The following LHFPL3 variants were observed in gnomAD, a reference collection of about 807,000 sequenced individuals.
LHFPL3 encodes the protein LHFPL tetraspan subfamily member 3 protein.
A neutral mutation model predicts 19.3 loss-of-function variants in LHFPL3; 5 were observed. The ratio of observed to expected loss-of-function variants is 0.26; its 90% CI spans 0.14 to 0.54. The LOEUF is 0.54. LHFPL3 is among the 20% of genes least tolerant of loss of function. The probability of loss-of-function intolerance (pLI) is 0.94; values close to 1 mark genes in which losing one functional copy is unlikely to be tolerated. For synonymous variants in LHFPL3, 133 were observed against 126.2 expected, an observed-to-expected ratio of 1.05 and a Z score of -0.36; for missense variants, 249 against 307.4, an observed-to-expected ratio of 0.81 and a Z score of 1.42.
intron 1 of LHFPL3, among the ~76,000 whole-genome samples, chr7:104,600,684 C>A (rs1394733966): frequency 1.3e-5 from 2 of 152,178 alleles, no homozygotes; most frequent in Non-Finnish European, 2.9e-5. Context: ...GAGGTCGTGG[C>A]AAAGCCAAGG....
At chr7:104,343,547 A>C (rs1790002161) in intron 1 of LHFPL3, among the ~76,000 whole-genome samples, 1 of 124,236 alleles carries the variant, frequency 8.0e-6, no homozygotes, top group African/African-American at 3.1e-5. Flanking sequence ...AAAAAAAAAA[A>C]AAAAGCCAAG....
Position 104,437,145 on chromosome 7 carries a change from T to A in LHFPL3, c.445+107921T>A, listed in dbSNP as rs113756204. Among the ~76,000 whole-genome samples the A allele has an allele frequency of 7.1e-3, 1,086 of 152,364 alleles. 12 individuals carry two copies. The highest frequency in any genetic ancestry group is 9.8e-3 in the Non-Finnish European group (670 of 68,028). The stretch of plus-strand genomic sequence containing the variant: ...TAACACTTGTCCTTTGTCAAAAAGT[T>A]GCAACATCTGTAAGTTAAAAAACTT... On this transcript the variant is annotated intron_variant, in intron 1 of 2. Transcript: ENST00000424859.
In LHFPL3 at chr7:104,491,959, C is replaced by A. The variant is rs942521282; in HGVS notation, c.445+162735C>A. Among the ~76,000 whole-genome samples the A allele has an allele frequency of 3.9e-5, 6 of 152,088 alleles. No homozygotes were observed. The East Asian group carries it at 1.2e-3, about 29-fold the overall frequency. ...CAAACACATTTTTAAAACAACTATT[C>A]CTCATTCAAAGTCACACAAAAACTA... On this transcript the variant is annotated intron_variant, in intron 1 of 2. Coordinates refer to ENST00000424859, the MANE Select transcript of LHFPL3 (RefSeq NM_199000.3).
chr7:104,723,441 G>A (rs1793523713), intron 1 of LHFPL3, among the ~76,000 whole-genome samples: 1 of 152,078 alleles, frequency 6.6e-6, no homozygotes, highest in Non-Finnish European at 1.5e-5. Flanking sequence ...TGTTCTCTCA[G>A]CCCAGTGCAG....
At chr7:104,755,402 C>A (rs1372789426) in intron 2 of LHFPL3, among the ~76,000 whole-genome samples, 1 of 152,088 alleles carries the variant, frequency 6.6e-6, no homozygotes, top group Non-Finnish European at 1.5e-5. Context: ...GCAATTCACA[C>A]AAGGAGTCAC....
At chr7:104,864,502 A>G (rs764371992) in intron 2 of LHFPL3, among the ~76,000 whole-genome samples, 9 of 152,206 alleles carry the variant, frequency 5.9e-5, no homozygotes, top group Non-Finnish European at 7.3e-5. Context: ...CCTACGCCCA[A>G]TGTGCCTCGC....
At chr7:104,735,133 G>T (rs1793783482) in intron 1 of LHFPL3, among the ~76,000 whole-genome samples, 1 of 152,186 alleles carries the variant, frequency 6.6e-6, no homozygotes, top group Non-Finnish European at 1.5e-5. Flanking sequence ...CCCCTACTAG[G>T]GGTGCCTCCC....
At chr7:104,797,761 A>T (rs1275511684) in intron 2 of LHFPL3, among the ~76,000 whole-genome samples, 1 of 151,782 alleles carries the variant, frequency 6.6e-6, no homozygotes, top group African/African-American at 2.4e-5. Flanking sequence ...CAAAAAAAAA[A>T]AAAAATTAGC....
chr7:104,430,468 T>A lies in LHFPL3; in HGVS notation c.445+101244T>A, dbSNP rs1376086949. Among the ~76,000 whole-genome samples, 42 of 29,966 alleles carry A rather than the reference T, an allele frequency of 1.4e-3. 1 individual carries two copies. Among genetic ancestry groups the A allele is most frequent in the African/African-American group, 4.3e-3 (19 of 4,426 alleles). The allele number at this position is 29,966 out of a possible 152,430, so 19.7% of individuals were successfully genotyped here. On this transcript the variant is annotated intron_variant, in intron 1 of 2. Transcript: ENST00000424859. ...TATATATATATATTTTTTTTTTTTT[T>A]TTTTTTTTTTTTTTTTTTGAGGCGG...
intron 1 of LHFPL3, among the ~76,000 whole-genome samples, chr7:104,387,722 C>T (rs768177465): frequency 2.0e-5 from 3 of 152,110 alleles, no homozygotes; most frequent in Non-Finnish European, 4.4e-5. Context: ...AGCTCAATGA[C>T]CTCCAAGTAG....
chr7:104,523,527 G>T (rs749857226), intron 1 of LHFPL3, among the ~76,000 whole-genome samples: 22 of 152,148 alleles, frequency 1.4e-4, no homozygotes, highest in Non-Finnish European at 3.2e-4. Flanking sequence ...GAGACACTTA[G>T]GTGTTGTCTG....
chr7:104,436,993 C>T (rs1173128507), intron 1 of LHFPL3, among the ~76,000 whole-genome samples: 1 of 152,112 alleles, frequency 6.6e-6, no homozygotes, highest in Non-Finnish European at 1.5e-5. Flanking sequence ...ATGCTTTCTG[C>T]CTTCATTGCT....
intron 1 of LHFPL3, among the ~76,000 whole-genome samples, chr7:104,654,308 A>C (rs1792085714): frequency 6.6e-6 from 1 of 152,184 alleles, no homozygotes; most frequent in African/African-American, 2.4e-5. Flanking sequence ...AATGTCTGAA[A>C]ATTTTGTCTG....
At chr7:104,685,272 G>A (rs1030231786) in intron 1 of LHFPL3, among the ~76,000 whole-genome samples, 7 of 152,122 alleles carry the variant, frequency 4.6e-5, no homozygotes, top group East Asian at 1.9e-4. Flanking sequence ...GTTTGAGCCC[G>A]GGAGGCAGAG....
intron 2 of LHFPL3, among the ~76,000 whole-genome samples, chr7:104,753,535 A>C (rs990509329): frequency 1.3e-5 from 2 of 152,318 alleles, no homozygotes; most frequent in South Asian, 4.1e-4. Flanking sequence ...AAAACTTAAA[A>C]GGCACAAACA....
chr7:104,600,726 T>TG (rs1258166310), intron 1 of LHFPL3, among the ~76,000 whole-genome samples: 1 of 152,198 alleles, frequency 6.6e-6, no homozygotes, highest in Non-Finnish European at 1.5e-5. Context: ...TAGCACCCTA[T>TG]GGCCTATAAG....
chr7:104,736,670 C>G lies in LHFPL3; in HGVS notation c.446-5C>G. On this transcript the variant is annotated splice_polypyrimidine_tract_variant and splice_region_variant and intron_variant, in intron 1 of 2. Transcript: ENST00000424859. ...TTCTTTTGTTTTTCTCTCTTTCTCTCCAAGCTGCCTGCCTTGTGCTTGGCT... is the reference window on the plus strand; with the variant it reads ...TTCTTTTGTTTTTCTCTCTTTCTCTGCAAGCTGCCTGCCTTGTGCTTGGCT... The G allele has an allele frequency of 1.2e-6, 2 of 1,600,018 alleles. No homozygotes were observed. Among genetic ancestry groups the G allele is most frequent in the South Asian group, 1.1e-5 (1 of 89,900 alleles).
chr7:104,619,142 A>T (rs1319008798), intron 1 of LHFPL3, among the ~76,000 whole-genome samples: 2 of 152,234 alleles, frequency 1.3e-5, no homozygotes, highest in Admixed American at 1.3e-4. Flanking sequence ...TTTGTTAGAT[A>T]TAAATGACTT....
At chr7:104,694,351 A>T (rs1320934465) in intron 1 of LHFPL3, among the ~76,000 whole-genome samples, 1 of 152,214 alleles carries the variant, frequency 6.6e-6, no homozygotes, top group African/African-American at 2.4e-5. Context: ...TAATGAAAAA[A>T]CAAAGGTGGA....
Sources: gnomAD v4.1 joint callset for allele counts (sites outside exome capture counted in the v4.1 genomes callset) on GRCh38, gnomAD v4.1.1 for gene constraint, MANE v1.5 for transcripts, NCBI Gene and HGNC (gene_info 2026-07-23, HGNC 2026-07-21) for gene names.